The following RBFOX1 variants were observed in gnomAD, a reference collection of about 807,000 sequenced individuals.
RBFOX1 encodes the protein RNA binding protein fox-1 homolog 1.
Under a neutral mutation model 57.7 loss-of-function variants are expected in RBFOX1, and 8 were observed. That is an observed-to-expected ratio of 0.14 (90% CI 0.08 to 0.25). RBFOX1 has a LOEUF of 0.25. Among genes scored for constraint, RBFOX1 ranks in the 10% least tolerant of loss-of-function variants. The pLI, the probability that RBFOX1 is intolerant of heterozygous loss-of-function variation, is 1.00. For synonymous variants in RBFOX1, 326 were observed against 222.4 expected (o/e 1.47, Z -4.15); for missense variants, 611 against 548.5 (o/e 1.11, Z -1.14).
At position 6,159,463 on chromosome 16, in the gene RBFOX1, C is replaced by G. The variant is rs192929091; in HGVS notation, c.-127+139471C>G. Among the ~76,000 whole-genome samples, 357 of 152,236 alleles carry G rather than the reference C, an allele frequency of 2.3e-3. 3 individuals carry two copies. The highest frequency in any genetic ancestry group is 7.9e-3 in the African/African-American group (330 of 41,552). On this transcript the variant is annotated intron_variant, in intron 1 of 15. Transcript: ENST00000550418. The stretch of plus-strand genomic sequence containing the variant: ...CAAAGAATGCTCAAAGATGGGCATT[C>G]TTTGAGGACATTTGTGTTCACCAGA...
At chr16:5,356,144 T>G (rs2065382986) in intron 1 of RBFOX1, among the ~76,000 whole-genome samples, 1 of 152,020 alleles carries the variant, frequency 6.6e-6, no homozygotes, top group Non-Finnish European at 1.5e-5. Context: ...GGGAAGGCCG[T>G]GTGCAGGTGG....
chr16:5,528,410 T>C (rs1410278953), intron 2 of RBFOX1, among the ~76,000 whole-genome samples: 1 of 152,190 alleles, frequency 6.6e-6, no homozygotes, highest in Non-Finnish European at 1.5e-5. Context: ...GTGTTAACTC[T>C]GTGCTTGGCA....
chr16:5,432,200 C>T (rs1597040819), intron 1 of RBFOX1, among the ~76,000 whole-genome samples: 1 of 152,168 alleles, frequency 6.6e-6, no homozygotes, highest in Admixed American at 6.5e-5. Context: ...CATTAGAAAT[C>T]TGAAAAACAC....
At chr16:7,607,666 T>C (rs918394339) in intron 10 of RBFOX1, among the ~76,000 whole-genome samples, 5 of 152,208 alleles carry the variant, frequency 3.3e-5, no homozygotes, top group African/African-American at 1.2e-4. Flanking sequence ...TGTATTTCAA[T>C]GTGCCTGAAT....
intron 4 of RBFOX1, among the ~76,000 whole-genome samples, chr16:7,360,905 C>G (rs2097307860): frequency 6.6e-6 from 1 of 152,196 alleles, no homozygotes; most frequent in Non-Finnish European, 1.5e-5. Flanking sequence ...CTGAATGTAT[C>G]CTTATCCTTG....
At chr16:5,516,299 C>T (rs1046757976) in intron 2 of RBFOX1, among the ~76,000 whole-genome samples, 3 of 152,044 alleles carry the variant, frequency 2.0e-5, no homozygotes, top group African/African-American at 7.2e-5. Flanking sequence ...TGTCTCCCAT[C>T]ACTTCCTGTG....
At chr16:6,261,870 A>ACAAAAG (rs2097703538) in intron 1 of RBFOX1, among the ~76,000 whole-genome samples, 1 of 151,396 alleles carries the variant, frequency 6.6e-6, no homozygotes, top group African/African-American at 2.4e-5. Flanking sequence ...AAAAACAAAA[A>ACAAAAG]CAAAAAAAAC....
chr16:6,959,606 C>G (rs1177340026), intron 3 of RBFOX1, among the ~76,000 whole-genome samples: 1 of 152,102 alleles, frequency 6.6e-6, no homozygotes, highest in African/African-American at 2.4e-5. Flanking sequence ...GCCTCTGTAA[C>G]AACTGTTCCA....
At chr16:6,986,013 C>G (rs557131578) in intron 3 of RBFOX1, among the ~76,000 whole-genome samples, 1 of 151,292 alleles carries the variant, frequency 6.6e-6, no homozygotes, top group African/African-American at 2.4e-5. Flanking sequence ...AAACATCTTG[C>G]AGAAACTCAC....
intron 3 of RBFOX1, among the ~76,000 whole-genome samples, chr16:7,004,308 A>G (rs951046855): frequency 2.0e-5 from 3 of 152,190 alleles, no homozygotes; most frequent in African/African-American, 4.8e-5. Context: ...CCATTCGGAT[A>G]CCTAAGGTTA....
intron 3 of RBFOX1, among the ~76,000 whole-genome samples, chr16:6,747,319 A>G (rs574755083): frequency 4.7e-4 from 71 of 152,148 alleles, no homozygotes; most frequent in African/African-American, 1.7e-3. Flanking sequence ...AGGCAGGACA[A>G]TTGCTTGAAC....
chr16:7,433,220 AG>A (rs2098696137), intron 4 of RBFOX1, among the ~76,000 whole-genome samples: 2 of 152,286 alleles, frequency 1.3e-5, no homozygotes, highest in South Asian at 2.1e-4. Context: ...ATATGCAAAA[AG>A]GTTTTCTTGC....
intron 1 of RBFOX1, among the ~76,000 whole-genome samples, chr16:5,419,507 A>G (rs1023625808): frequency 2.0e-5 from 3 of 151,876 alleles, no homozygotes; most frequent in Admixed American, 2.0e-4. Context: ...CACTGGCACA[A>G]ATGTTAATCT....
intron 4 of RBFOX1, among the ~76,000 whole-genome samples, chr16:7,450,183 CA>C (rs1213243909): frequency 2.6e-5 from 4 of 151,940 alleles, no homozygotes; most frequent in Admixed American, 6.6e-5. Context: ...ATCACAAGGT[CA>C]GGGGATCGAG....
At chr16:5,394,700 A>C (rs987406314) in intron 1 of RBFOX1, among the ~76,000 whole-genome samples, 3 of 151,426 alleles carry the variant, frequency 2.0e-5, no homozygotes, top group Non-Finnish European at 4.4e-5. Flanking sequence ...AGATGCATGC[A>C]ACCATATCTG....
At chr16:6,885,290 C>G (rs149388577) in intron 3 of RBFOX1, among the ~76,000 whole-genome samples, 406 of 152,302 alleles carry the variant, frequency 2.7e-3, no homozygotes, top group African/African-American at 9.1e-3. Flanking sequence ...GACGCGTGTT[C>G]TCTATCCTCG....
At chr16:7,237,310 A>G (rs553069890) in intron 4 of RBFOX1, among the ~76,000 whole-genome samples, 2 of 152,302 alleles carry the variant, frequency 1.3e-5, no homozygotes, top group African/African-American at 4.8e-5. Flanking sequence ...TCTGCTGAGC[A>G]TTTGAATGAG....
chr16:6,206,725 C>T (rs1567677265), intron 1 of RBFOX1, among the ~76,000 whole-genome samples: 2 of 152,318 alleles, frequency 1.3e-5, no homozygotes, highest in East Asian at 1.9e-4. Context: ...CCTGTTGTAA[C>T]CTCTTACATC....
intron 4 of RBFOX1, among the ~76,000 whole-genome samples, chr16:5,925,644 A>G (rs1048741714): frequency 6.6e-6 from 1 of 152,094 alleles, no homozygotes; most frequent in Non-Finnish European, 1.5e-5. Flanking sequence ...AGTGAATTTT[A>G]TGTTATGTGT....
Sources: gnomAD v4.1 joint callset for allele counts (sites outside exome capture counted in the v4.1 genomes callset) on GRCh38, gnomAD v4.1.1 for gene constraint, MANE v1.5 for transcripts, NCBI Gene and HGNC (gene_info 2026-07-23, HGNC 2026-07-21) for gene names.